SAMM50: variants seen among roughly 807,000 people sequenced by gnomAD.
SAMM50 encodes SAMM50 sorting and assembly machinery component.
A neutral mutation model predicts 66.9 loss-of-function variants in SAMM50; 47 were observed. The ratio of observed to expected loss-of-function variants is 0.70; its 90% confidence interval spans 0.56 to 0.90. SAMM50 has a LOEUF of 0.90. Ranked by LOEUF, SAMM50 falls within the 40% of genes least tolerant of loss-of-function variation. The pLI, the probability that SAMM50 is intolerant of heterozygous loss-of-function variation, is 0.00. For synonymous variants in SAMM50, 191 were observed against 214.1 expected (o/e 0.89, Z 0.94); for missense variants, 535 against 595.3 (o/e 0.90, Z 1.05).
chr22:43,982,621 G>A (rs187354058), intron 11 of SAMM50, among the ~76,000 whole-genome samples: 10 of 152,150 alleles, frequency 6.6e-5, no homozygotes, highest in East Asian at 1.9e-4. Context: ...GTGATTTATC[G>A]TTTCTTTTTT....
At chr22:43,992,097 A>C (rs2050327707) in intron 14 of SAMM50, among the ~76,000 whole-genome samples, 1 of 152,166 alleles carries the variant, frequency 6.6e-6, no homozygotes. Context: ...GTTGCCACCA[A>C]ATGGTGGTGC....
chr22:43,956,208 C>G (rs2050118696), intron 1 of SAMM50, among the ~76,000 whole-genome samples: 1 of 152,186 alleles, frequency 6.6e-6, no homozygotes, highest in Non-Finnish European at 1.5e-5. Flanking sequence ...TGCCAAACTC[C>G]TCTCGTTTAT....
intron 10 of SAMM50, among the ~76,000 whole-genome samples, chr22:43,980,595 G>A (rs190263906): frequency 1.7e-3 from 255 of 152,168 alleles, no homozygotes; most frequent in African/African-American, 5.9e-3. Context: ...TACATGAGAG[G>A]GAAGCCCTGG....
At chr22:43,970,314 T>C (rs1162354103) in intron 4 of SAMM50, among the ~76,000 whole-genome samples, 1 of 152,092 alleles carries the variant, frequency 6.6e-6, no homozygotes, top group East Asian at 1.9e-4. Context: ...CTTGGGCTGG[T>C]GTGGTGCTTC....
chr22:43,985,869 C>T (rs949334932), intron 12 of SAMM50, among the ~76,000 whole-genome samples: 15 of 151,394 alleles, frequency 9.9e-5, no homozygotes, highest in Admixed American at 2.6e-4. Flanking sequence ...TTAATGGCTG[C>T]GTGTTTTGTC....
At chr22:43,994,335 C>T (rs1160695477) in intron 14 of SAMM50, among the ~76,000 whole-genome samples, 1 of 151,600 alleles carries the variant, frequency 6.6e-6, no homozygotes, top group Non-Finnish European at 1.5e-5. Context: ...ACCTTTTTCC[C>T]CTTGGGTATA....
At chr22:43,961,065 G>C (rs1252613180) in intron 1 of SAMM50, among the ~76,000 whole-genome samples, 1 of 152,184 alleles carries the variant, frequency 6.6e-6, no homozygotes, top group African/African-American at 2.4e-5. Context: ...GAGGCTTTTA[G>C]GGAAGGGCCT....
At chr22:43,969,049 C>T (rs1274692332) in intron 4 of SAMM50, among the ~76,000 whole-genome samples, 1 of 152,214 alleles carries the variant, frequency 6.6e-6, no homozygotes, top group East Asian at 1.9e-4. Flanking sequence ...TCTGGAACTC[C>T]TGTGCTCAAG....
rs778954287 is a variant in SAMM50 at position 43,996,372 on chromosome 22, A to G, written c.1399A>G (p.Arg467Gly). ...CDGVQFGAGI[R>G]FL is the part of the protein sequence containing the mutation. Reference sequence around the variant, plus strand: ...TGGCGTCCAGTTTGGAGCTGGGATAAGGTTCCTGTAGCCGACACCCCTACA... The same window carrying G: ...TGGCGTCCAGTTTGGAGCTGGGATAGGGTTCCTGTAGCCGACACCCCTACA... The change falls in exon 15 of 15, where the codon AGG (arginine) becomes GGG (glycine). Residue 467 changes from arginine to glycine, a missense_variant. Arg to Gly is a moderately radical substitution (Grantham distance 125). Transcript: ENST00000350028. 1 of 1,614,018 alleles carries G rather than the reference A, an allele frequency of 6.2e-7. No individual in the cohort carries two copies. The highest frequency in any genetic ancestry group is 1.1e-5 in the South Asian group (1 of 91,080).
intron 3 of SAMM50, among the ~76,000 whole-genome samples, chr22:43,965,743 T>G (rs948527735): frequency 1.3e-5 from 2 of 152,230 alleles, no homozygotes; most frequent in African/African-American, 4.8e-5. Flanking sequence ...TTTTTTCTTT[T>G]CTGACATAAA....
chr22:43,996,313 C>G, intron 14 of SAMM50, 25 bp from the exon 15 acceptor site: 1 of 1,613,892 alleles, frequency 6.2e-7, no homozygotes, highest in Non-Finnish European at 8.5e-7. Context: ...GCGGCCGCCG[C>G]ATCTGATCTC....
At position 43,984,747 on chromosome 22, in the gene SAMM50, G is replaced by A. The variant is rs528372947; in HGVS notation, c.1075+747G>A. Among the ~76,000 whole-genome samples, 7 of 152,186 alleles carry A rather than the reference G, an allele frequency of 4.6e-5. 1 individual carries two copies. In the South Asian group the frequency reaches 1.5e-3, roughly 32 times the overall value. On this transcript the variant is annotated intron_variant, in intron 12 of 14. Transcript: ENST00000350028. ...GGGTTCACACGATTCTCCTGCCTCA[G>A]CCCCCTGAGTAGCTGGGATTACAGG...
chr22:43,993,468 G>C (rs550589686), intron 14 of SAMM50, among the ~76,000 whole-genome samples: 1 of 152,216 alleles, frequency 6.6e-6, no homozygotes. Context: ...GTCTCTTCAG[G>C]TTAAATCTAA....
chr22:43,982,035 C>A (rs1156590388), intron 11 of SAMM50, among the ~76,000 whole-genome samples: 3 of 152,108 alleles, frequency 2.0e-5, no homozygotes, highest in Non-Finnish European at 4.4e-5. Context: ...CAATTTATAC[C>A]CCTACCAGCA....
chr22:43,966,213 A>C (rs2146809283), intron 3 of SAMM50, among the ~76,000 whole-genome samples: 1 of 152,354 alleles, frequency 6.6e-6, no homozygotes, highest in African/African-American at 2.4e-5. Context: ...ACAATGCTGT[A>C]CTAAACATCT....
Position 43,991,186 on chromosome 22 carries a change from C to G in SAMM50, c.1364+780C>G, listed in dbSNP as rs138887029. 6.3e-3 allele frequency among the ~76,000 whole-genome samples: 961 copies of G among 151,984 alleles called. 12 individuals are homozygous for G. The highest frequency in any genetic ancestry group is 0.022 in the African/African-American group (909 of 41,436). Reference sequence around the variant, plus strand: ...AGAGACAGGGTTTCACCATGTTGGTCAGGGTGGTGTCAAACTCCTGACCTC... The same window carrying G: ...AGAGACAGGGTTTCACCATGTTGGTGAGGGTGGTGTCAAACTCCTGACCTC... On this transcript the variant is annotated intron_variant, in intron 14 of 14. Transcript: ENST00000350028.
rs2050264354 is a variant in SAMM50, at chr22:43,981,451, A to G, written c.997A>G (p.Ile333Val). 1 of 1,611,214 alleles carries G rather than the reference A, an allele frequency of 6.2e-7. No individual in the cohort carries two copies. Among genetic ancestry groups the G allele is most frequent in the Non-Finnish European group, 8.5e-7 (1 of 1,177,386 alleles). Residue 333 changes from isoleucine (I) to valine (V), a missense_variant, in exon 11 of 15, where the codon ATT (isoleucine) becomes GTT (valine). Physicochemically the swap from Ile to Val is conservative, Grantham distance 29. Transcript: ENST00000350028. ...LVPIGDKPSS[I>V]ADRFYLGGPT... ...ACCCATTGGTGATAAGCCGTCAAGC[A>G]TTGCTGATAGGTAAGTACTAATCAA...
At position 43,976,260 on chromosome 22, in the gene SAMM50, A is replaced by G; in HGVS notation, c.777+77A>G. On this transcript the variant is annotated intron_variant, in intron 8 of 14. Coordinates refer to ENST00000350028, the MANE Select transcript of SAMM50 (RefSeq NM_015380.5). ...ATGCATTGGGAAAACAGTCTTTGCC[A>G]ATATCAGGGCTGACTGAGAAGCGTC... The G allele has an allele frequency of 2.6e-6, 4 of 1,519,266 alleles. No individual in the cohort carries two copies. The Admixed American group carries it at 5.4e-5, about 21-fold the overall frequency. 94.1% of individuals were successfully genotyped at this position (1,519,266 alleles called of 1,614,324 possible). A position where few individuals can be genotyped will look rare whatever the true frequency, so the allele number is the denominator to read the frequency against.
intron 7 of SAMM50, among the ~76,000 whole-genome samples, chr22:43,974,179 T>A (rs2050219180): frequency 6.6e-6 from 1 of 152,126 alleles, no homozygotes; most frequent in Non-Finnish European, 1.5e-5. Flanking sequence ...GTGGGCTTGT[T>A]AGAAATGCAC....
Sources: allele counts gnomAD v4.1 joint callset (sites outside exome capture counted in the v4.1 genomes callset), GRCh38; gene constraint gnomAD v4.1.1; transcripts MANE v1.5; gene names NCBI Gene and HGNC (gene_info 2026-07-23, HGNC 2026-07-21).